The following B3GALT1 variants were observed in gnomAD, a reference collection of about 807,000 sequenced individuals.
B3GALT1 encodes the protein UDP-Gal:betaGlcNAc beta 1,3-galactosyltransferase, polypeptide 1.
B3GALT1 carries 10 observed loss-of-function variants against 23.2 expected under a neutral mutation model. The ratio of observed to expected loss-of-function variants is 0.43; its 90% confidence interval spans 0.27 to 0.73. The LOEUF is 0.73. Among genes scored for constraint, B3GALT1 ranks in the 30% least tolerant of loss-of-function variants. The pLI, the probability that B3GALT1 is intolerant of heterozygous loss-of-function variation, is 0.21. For missense variants in B3GALT1, 299 were observed against 405.4 expected, an observed-to-expected ratio of 0.74 and a Z score of 2.25; for synonymous variants, 156 against 141.5, an observed-to-expected ratio of 1.10 and a Z score of -0.73.
At chr2:167,459,590 C>T (rs975186316) in intron 1 of B3GALT1, among the ~76,000 whole-genome samples, 4 of 152,066 alleles carry the variant, frequency 2.6e-5, no homozygotes, top group Non-Finnish European at 5.9e-5. Flanking sequence ...TTTTTTCAAA[C>T]GTACTTGTCT....
intron 1 of B3GALT1, among the ~76,000 whole-genome samples, chr2:167,367,693 G>T: frequency 6.6e-6 from 1 of 152,146 alleles, no homozygotes; most frequent in South Asian, 2.1e-4. Flanking sequence ...TAAGTACATA[G>T]ACTGACCCTG....
chr2:167,820,047 T>A (rs1388867694), intron 4 of B3GALT1, among the ~76,000 whole-genome samples: 1 of 152,156 alleles, frequency 6.6e-6, no homozygotes, highest in Non-Finnish European at 1.5e-5. Context: ...GACATGAGAT[T>A]ATACTCATAA....
At chr2:167,611,821 T>A (rs1177716429) in intron 2 of B3GALT1, among the ~76,000 whole-genome samples, 1 of 151,934 alleles carries the variant, frequency 6.6e-6, no homozygotes, top group Admixed American at 6.6e-5. Context: ...TAAGGATGAC[T>A]TTGCCTTATG....
chr2:167,355,445 G>A (rs773131813), intron 1 of B3GALT1, among the ~76,000 whole-genome samples: 2 of 152,120 alleles, frequency 1.3e-5, no homozygotes, highest in African/African-American at 4.8e-5. Flanking sequence ...GATCAAAACC[G>A]TCAAACTCAT....
At chr2:167,632,943 G>A (rs1044413794) in intron 2 of B3GALT1, among the ~76,000 whole-genome samples, 4 of 152,016 alleles carry the variant, frequency 2.6e-5, no homozygotes, top group Non-Finnish European at 5.9e-5. Context: ...TTACATTTAA[G>A]TCTTTAATCC....
intron 1 of B3GALT1, among the ~76,000 whole-genome samples, chr2:167,300,078 T>A (rs145518373): frequency 6.6e-6 from 1 of 152,238 alleles, no homozygotes; most frequent in East Asian, 1.9e-4. Context: ...ATTTCTTTTG[T>A]ATTTTTAGTA....
intron 1 of B3GALT1, among the ~76,000 whole-genome samples, chr2:167,333,077 T>C (rs1696999423): frequency 1.3e-5 from 2 of 152,218 alleles, no homozygotes; most frequent in Admixed American, 1.3e-4. Flanking sequence ...AATTGAACCA[T>C]GTGCATTTAC....
At chr2:167,775,161 C>T (rs977935780) in intron 3 of B3GALT1, among the ~76,000 whole-genome samples, 1 of 152,138 alleles carries the variant, frequency 6.6e-6, no homozygotes, top group Non-Finnish European at 1.5e-5. Context: ...ATTCTTTATA[C>T]TGTTATATCA....
intron 2 of B3GALT1, among the ~76,000 whole-genome samples, chr2:167,599,306 A>T (rs10174687): frequency 6.6e-6 from 1 of 152,218 alleles, no homozygotes; most frequent in African/African-American, 2.4e-5. Context: ...CTGGAGTATA[A>T]GTCATAATAG....
At chr2:167,815,114 T>C (rs1054527496) in intron 3 of B3GALT1, 1 of 152,244 alleles carries the variant, frequency 6.6e-6, no homozygotes. Flanking sequence ...GCATCAAGGT[T>C]CAGACTCTCC....
intron 3 of B3GALT1, among the ~76,000 whole-genome samples, chr2:167,746,042 A>G (rs1252039789): frequency 2.0e-5 from 3 of 152,178 alleles, no homozygotes; most frequent in Non-Finnish European, 2.9e-5. Flanking sequence ...CCTGAGTCAG[A>G]TGAATTGTTG....
chr2:167,599,645 G>C (rs1394825600), intron 2 of B3GALT1, among the ~76,000 whole-genome samples: 1 of 152,154 alleles, frequency 6.6e-6, no homozygotes, highest in Non-Finnish European at 1.5e-5. Flanking sequence ...CAAACTATGT[G>C]TCAGTTTGTC....
intron 1 of B3GALT1, among the ~76,000 whole-genome samples, chr2:167,321,884 C>CT (rs1206395139): frequency 6.6e-6 from 1 of 151,966 alleles, no homozygotes; most frequent in African/African-American, 2.4e-5. Context: ...AATTTGTAAG[C>CT]TTTTTAATAA....
chr2:167,507,044 T>A (rs1047537548), intron 2 of B3GALT1, among the ~76,000 whole-genome samples: 2 of 152,134 alleles, frequency 1.3e-5, no homozygotes, highest in East Asian at 3.9e-4. Context: ...TTATAGTGTG[T>A]TTTGTCAAGA....
chr2:167,739,924 C>T (rs1348168184), intron 3 of B3GALT1, among the ~76,000 whole-genome samples: 8 of 113,954 alleles, frequency 7.0e-5, no homozygotes, highest in African/African-American at 2.3e-4. Flanking sequence ...GAAGTTGTCT[C>T]TACAAAAAAA....
intron 2 of B3GALT1, among the ~76,000 whole-genome samples, chr2:167,500,473 C>A (rs1182892175): frequency 6.6e-6 from 1 of 152,078 alleles, no homozygotes; most frequent in Non-Finnish European, 1.5e-5. Context: ...GCAGCAAATT[C>A]TCTTCCTTTG....
intron 1 of B3GALT1, among the ~76,000 whole-genome samples, chr2:167,455,194 T>C (rs1411962461): frequency 6.6e-6 from 1 of 152,238 alleles, no homozygotes; most frequent in Non-Finnish European, 1.5e-5. Flanking sequence ...CTAAAAAATA[T>C]GCTCACACAT....
At chr2:167,629,519 G>T (rs1309950244) in intron 2 of B3GALT1, among the ~76,000 whole-genome samples, 1 of 151,374 alleles carries the variant, frequency 6.6e-6, no homozygotes, top group Non-Finnish European at 1.5e-5. Flanking sequence ...TCCTAAAAAA[G>T]GTCCTCTATG....
At chr2:167,866,032 C>CA (rs549749781) in intron 4 of B3GALT1, among the ~76,000 whole-genome samples, 208 of 152,194 alleles carry the variant, frequency 1.4e-3, no homozygotes, top group Non-Finnish European at 2.3e-3. Flanking sequence ...CTGGTACACA[C>CA]CATCCTCTCT....
Sources: gnomAD v4.1 joint callset for allele counts (sites outside exome capture counted in the v4.1 genomes callset) on GRCh38, gnomAD v4.1.1 for gene constraint, MANE v1.5 for transcripts, NCBI Gene and HGNC (gene_info 2026-07-23, HGNC 2026-07-21) for gene names.